Variants in CTNNA3 observed in about 807,000 individuals in gnomAD.
CTNNA3 encodes the protein catenin alpha-3.
CTNNA3 carries 76 observed loss-of-function variants against 95.7 expected under a neutral mutation model. The ratio of observed to expected loss-of-function variants is 0.79; its 90% CI spans 0.66 to 0.96. CTNNA3 has a LOEUF of 0.96. CTNNA3 is among the 40% of genes least tolerant of loss of function. CTNNA3 has a pLI of 0.00. For missense variants in CTNNA3, 1,191 were observed against 1,089.8 expected (o/e 1.09, Z -1.31); for synonymous variants, 431 against 374.4 (o/e 1.15, Z -1.74).
At chr10:67,683,599 C>T (rs1840669256) in intron 1 of CTNNA3, among the ~76,000 whole-genome samples, 1 of 152,210 alleles carries the variant, frequency 6.6e-6, no homozygotes, top group African/African-American at 2.4e-5. Flanking sequence ...TAATTGTATA[C>T]CTTCATCCCA....
intron 7 of CTNNA3, among the ~76,000 whole-genome samples, chr10:67,154,057 A>T (rs1280926285): frequency 1.3e-5 from 2 of 152,104 alleles, no homozygotes; most frequent in Non-Finnish European, 2.9e-5. Flanking sequence ...ATTAAAAAAA[A>T]CTTTGTTTTA....
intron 7 of CTNNA3, among the ~76,000 whole-genome samples, chr10:66,886,845 T>C (rs529964414): frequency 4.6e-5 from 7 of 152,308 alleles, no homozygotes; most frequent in Admixed American, 2.6e-4. Context: ...GCAACAGAAT[T>C]AAATGCAAGG....
intron 7 of CTNNA3, among the ~76,000 whole-genome samples, chr10:66,906,606 T>C (rs1296966817): frequency 6.6e-6 from 1 of 152,114 alleles, no homozygotes; most frequent in Non-Finnish European, 1.5e-5. Context: ...CGATACAATA[T>C]GAGGAACTAC....
At chr10:65,999,473 A>T (rs1232791943) in intron 15 of CTNNA3, among the ~76,000 whole-genome samples, 2 of 152,156 alleles carry the variant, frequency 1.3e-5, no homozygotes, top group African/African-American at 2.4e-5. Flanking sequence ...TTGTTAGGAG[A>T]CCACTATCTT....
At chr10:66,075,488 G>C (rs1000022407) in intron 14 of CTNNA3, among the ~76,000 whole-genome samples, 1 of 151,642 alleles carries the variant, frequency 6.6e-6, no homozygotes, top group Non-Finnish European at 1.5e-5. Context: ...CTCAGTAAAT[G>C]GTGCATATAT....
intron 12 of CTNNA3, among the ~76,000 whole-genome samples, chr10:66,353,122 CCTA>C (rs2092579869): frequency 6.6e-6 from 1 of 151,724 alleles, no homozygotes. Context: ...AATTTTGTGT[CCTA>C]CTTTTTATTC....
chr10:67,026,345 T>C (rs1007628365), intron 7 of CTNNA3, among the ~76,000 whole-genome samples: 8 of 152,108 alleles, frequency 5.3e-5, no homozygotes, highest in Non-Finnish European at 1.2e-4. Context: ...GATGAATTAA[T>C]ATTTTTGGAA....
chr10:67,165,147 C>A (rs1011246046), intron 7 of CTNNA3, among the ~76,000 whole-genome samples: 5 of 152,114 alleles, frequency 3.3e-5, no homozygotes, highest in African/African-American at 1.2e-4. Flanking sequence ...AATGGTATAT[C>A]CTACCATGGA....
chr10:67,379,150 A>G (rs1843814990), intron 5 of CTNNA3, among the ~76,000 whole-genome samples: 1 of 152,266 alleles, frequency 6.6e-6, no homozygotes, highest in Non-Finnish European at 1.5e-5. Flanking sequence ...TGTTTAAAAC[A>G]TAATATTACA....
intron 16 of CTNNA3, among the ~76,000 whole-genome samples, 170 bp downstream of exon 16, chr10:65,988,522 T>G (rs1305432277): frequency 6.6e-6 from 1 of 152,164 alleles, no homozygotes; most frequent in African/African-American, 2.4e-5. Flanking sequence ...TAATTAAGCT[T>G]CCTTATAATC....
chr10:65,980,354 C>A (rs1002310208), intron 16 of CTNNA3, among the ~76,000 whole-genome samples: 1 of 151,414 alleles, frequency 6.6e-6, no homozygotes, highest in South Asian at 2.1e-4. Context: ...ACAACAACAA[C>A]AAAAAAGTCC....
chr10:67,121,617 C>T (rs180918948), intron 7 of CTNNA3, among the ~76,000 whole-genome samples: 19 of 152,068 alleles, frequency 1.2e-4, no homozygotes, highest in Admixed American at 5.9e-4. Flanking sequence ...TTCAGTGCCC[C>T]GCAGTGCTGG....
intron 15 of CTNNA3, among the ~76,000 whole-genome samples, chr10:66,009,101 G>GAA (rs560119281): frequency 5.5e-5 from 8 of 145,944 alleles, no homozygotes; most frequent in African/African-American, 1.7e-4. Flanking sequence ...CTCAATCTCA[G>GAA]AAAAAAAAAA....
At chr10:66,039,181 G>T (rs1226027419) in intron 15 of CTNNA3, among the ~76,000 whole-genome samples, 1 of 152,120 alleles carries the variant, frequency 6.6e-6, no homozygotes, top group Non-Finnish European at 1.5e-5. Flanking sequence ...AGGAATACAG[G>T]CAGCCAGGGA....
At chr10:66,020,889 G>A (rs1406864914) in intron 15 of CTNNA3, among the ~76,000 whole-genome samples, 3 of 151,912 alleles carry the variant, frequency 2.0e-5, no homozygotes, top group East Asian at 3.9e-4. Flanking sequence ...TAGCCAGGAT[G>A]GTCTCGATCT....
At chr10:66,170,270 TGGTAGA>T (rs2085350733) in intron 13 of CTNNA3, among the ~76,000 whole-genome samples, 1 of 133,254 alleles carries the variant, frequency 7.5e-6, no homozygotes, top group Non-Finnish European at 1.6e-5. Flanking sequence ...TTTTTTTAGA[TGGTAGA>T]ATAGCTCTGA....
intron 11 of CTNNA3, among the ~76,000 whole-genome samples, chr10:66,451,056 G>A (rs899067097): frequency 5.3e-5 from 8 of 152,096 alleles, no homozygotes; most frequent in East Asian, 1.9e-4. Flanking sequence ...TCAATAGCAC[G>A]TGTACACACA....
At chr10:67,343,240 C>G (rs919913190) in intron 5 of CTNNA3, among the ~76,000 whole-genome samples, 1 of 152,078 alleles carries the variant, frequency 6.6e-6, no homozygotes, top group East Asian at 1.9e-4. Context: ...TGTGAGGCAC[C>G]GCGCCCAGCC....
rs1204389443 is a variant in CTNNA3, at chr10:67,302,002, C to CGAAAGAAAGAAAGAAAGAAA, written c.580-82152_580-82133dup. Among the ~76,000 whole-genome samples the CGAAAGAAAGAAAGAAAGAAA allele has an allele frequency of 1.6e-4, 9 of 55,922 alleles. 1 individual carries two copies. Among genetic ancestry groups the CGAAAGAAAGAAAGAAAGAAA allele is most frequent in the Non-Finnish European group, 1.6e-4 (5 of 30,596 alleles). The allele number at this position is 55,922 out of a possible 152,430, so 36.7% of individuals were successfully genotyped here. A position where few individuals can be genotyped will look rare whatever the true frequency, so the allele number is the denominator to read the frequency against. On this transcript the variant is annotated intron_variant, in intron 5 of 17. Coordinates refer to ENST00000433211, the MANE Select transcript of CTNNA3 (RefSeq NM_013266.4). ...AAGAAAGAAAGAAAGAACGAAAGAA[C>CGAAAGAAAGAAAGAAAGAAA]GAAAGAAAGAAAGAAAGAAAGAAAG...
Sources: gnomAD v4.1 joint callset for allele counts (sites outside exome capture counted in the v4.1 genomes callset) on GRCh38, gnomAD v4.1.1 for gene constraint, MANE v1.5 for transcripts, NCBI Gene and HGNC (gene_info 2026-07-23, HGNC 2026-07-21) for gene names.